FAM241B: variants seen among roughly 807,000 people sequenced by gnomAD.
FAM241B encodes protein FAM241B.
A neutral mutation model predicts 9.3 loss-of-function variants in FAM241B; 7 were observed. The ratio of observed to expected loss-of-function variants is 0.75; its 90% CI spans 0.43 to 1.41. FAM241B has a LOEUF of 1.41. FAM241B is among the 40% of genes most tolerant of loss of function. The pLI, the probability that FAM241B is intolerant of heterozygous loss-of-function variation, is 0.01. For missense variants in FAM241B, 136 were observed against 159.6 expected, an observed-to-expected ratio of 0.85 and a Z score of 0.80; for synonymous variants, 60 against 64.1, an observed-to-expected ratio of 0.94 and a Z score of 0.31.
chr10:69,630,481 C>A (rs1839798203), intron 1 of FAM241B, 168 bp downstream of exon 1: 2 of 314,456 alleles, frequency 6.4e-6, no homozygotes, highest in Non-Finnish European at 9.5e-6. Context: ...GGTGGCCCAC[C>A]GGGCGGGGGC....
intron 1 of FAM241B, chr10:69,630,585 G>A (rs1839800192): frequency 8.0e-7 from 1 of 1,242,538 alleles, no homozygotes; most frequent in Non-Finnish European, 1.0e-6. Flanking sequence ...CGCCTGTCCC[G>A]GGCTCCAGGC....
At position 69,632,783 on chromosome 10, in the gene FAM241B, A is replaced by C; in HGVS notation, c.97-7A>C. The C allele has an allele frequency of 6.2e-7, 1 of 1,611,382 alleles. No individual in the cohort carries two copies. The highest frequency in any genetic ancestry group is 1.3e-5 in the African/African-American group (1 of 74,976). On this transcript the variant is annotated splice_polypyrimidine_tract_variant and splice_region_variant and intron_variant, in intron 3 of 3. Coordinates refer to ENST00000373279, the MANE Select transcript of FAM241B (RefSeq NM_145306.3). ...TTCATTCATCTCTCTCTGTCTTCAC[A>C]TTCCAGAGCTTCTTCAACAGGGGCC...
At position 69,633,370 on chromosome 10, in the gene FAM241B, A is replaced by T. The variant is rs890669030; in HGVS notation, c.*311A>T. On this transcript the variant is annotated 3_prime_UTR_variant, in exon 4 of 4. Transcript: ENST00000373279. The stretch of plus-strand genomic sequence containing the variant: ...CTCTCAATCCTTTTATGCCGAGAAG[A>T]TCTCAGCTGGATGCCAACATGTTCC... 4.7e-5 allele frequency: 19 copies of T among 408,104 alleles called. No homozygotes were observed. The highest frequency in any genetic ancestry group is 8.0e-5 in the Non-Finnish European group (18 of 224,078). 25.3% of individuals were successfully genotyped at this position (408,104 alleles called of 1,614,324 possible). A position where few individuals can be genotyped will look rare whatever the true frequency, so the allele number is the denominator to read the frequency against.
rs544192606 is a variant in FAM241B, at chr10:69,633,264, T to C, written c.*205T>C. On this transcript the variant is annotated 3_prime_UTR_variant, in exon 4 of 4. Coordinates refer to ENST00000373279, the MANE Select transcript of FAM241B (RefSeq NM_145306.3). ...TCCAAAGTGTGGGTGGGTCCGTTGG[T>C]TCCCAAGATACTTTTAGGTGGTATG... is the stretch of plus-strand genomic sequence containing the variant. The C allele has an allele frequency of 2.5e-5, 18 of 733,676 alleles. No individual in the cohort carries two copies. In the South Asian group the frequency reaches 3.4e-4, roughly 14 times the overall value. 45.4% of individuals were successfully genotyped at this position (733,676 alleles called of 1,614,324 possible).
Position 69,632,711 on chromosome 10 carries a change from A to G in FAM241B, c.97-79A>G. 6.6e-6 allele frequency: 10 copies of G among 1,505,702 alleles called. No homozygotes were observed. In the South Asian group the frequency reaches 1.1e-4, roughly 17 times the overall value. The allele number at this position is 1,505,702 out of a possible 1,614,324, so 93.3% of individuals were successfully genotyped here. On this transcript the variant is annotated intron_variant, in intron 3 of 3. Coordinates refer to ENST00000373279, the MANE Select transcript of FAM241B (RefSeq NM_145306.3). ...CCTGGGTGGCTGTAGGAAGGGCAGG[A>G]TGCAGCCTAGAGAGGTTGATTCCTG... is the stretch of plus-strand genomic sequence containing the variant.
rs773930460 is a variant in FAM241B at position 69,632,838 on chromosome 10, C to G, written c.145C>G (p.Arg49Gly). 1 of 1,613,918 alleles carries G rather than the reference C, an allele frequency of 6.2e-7. No homozygotes were observed. The highest frequency in any genetic ancestry group is 1.3e-5 in the African/African-American group (1 of 74,938). ...TGCTCCCCCAGGGGGTCCTGGCCCC[C>G]GCCAGCAGCAGGCAGGTGCCAGGCT... is the stretch of plus-strand genomic sequence containing the variant. ...HGAPPGGPGP[R>G]QQQAGARLGA... Residue 49 changes from arginine to glycine, a missense_variant, in exon 4 of 4, where the codon CGC becomes GGC. Arg to Gly is a moderately radical substitution (Grantham distance 125). Transcript: ENST00000373279.
chr10:69,631,610 T>C (rs1839821751), intron 2 of FAM241B, 63 bp downstream of exon 2: 2 of 1,548,724 alleles, frequency 1.3e-6, no homozygotes, highest in African/African-American at 2.7e-5. Context: ...TCTTCACGAG[T>C]CTGGTCCCAG....
chr10:69,633,142 T>C lies in FAM241B; in HGVS notation c.*83T>C, dbSNP rs1839861509. On this transcript the variant is annotated 3_prime_UTR_variant, in exon 4 of 4. Transcript: ENST00000373279. ...AGAGCAGGCATATTTGGAGGGGATCTGGTGGTGCCTTGAAGGTATGATCAG... is the reference window on the plus strand; with the variant it reads ...AGAGCAGGCATATTTGGAGGGGATCCGGTGGTGCCTTGAAGGTATGATCAG... 3 of 1,549,258 alleles carry C rather than the reference T, an allele frequency of 1.9e-6. No homozygotes were observed. Among genetic ancestry groups the C allele is most frequent in the South Asian group, 2.4e-5 (2 of 83,586 alleles).
chr10:69,630,743 C>G, intron 1 of FAM241B: 1 of 1,149,392 alleles, frequency 8.7e-7, no homozygotes, highest in Non-Finnish European at 1.1e-6. Flanking sequence ...CCCCGCAGTC[C>G]AGGGGTCCGC....
At chr10:69,632,677 G>T in intron 3 of FAM241B, 113 bp from the exon 4 acceptor site, 1 of 1,212,212 alleles carries the variant, frequency 8.2e-7, no homozygotes, top group Non-Finnish European at 1.1e-6. Context: ...TGAGAAAGGA[G>T]GGTGTGACCC....
intron 1 of FAM241B, among the ~76,000 whole-genome samples, chr10:69,630,919 G>T (rs1839807792): frequency 2.0e-5 from 3 of 152,222 alleles, no homozygotes; most frequent in African/African-American, 7.2e-5. Flanking sequence ...GGCGCATGAT[G>T]GCTAGGATGG....
At chr10:69,630,890 C>T (rs1374216416) in intron 1 of FAM241B, among the ~76,000 whole-genome samples, 1 of 152,178 alleles carries the variant, frequency 6.6e-6, no homozygotes, top group Non-Finnish European at 1.5e-5. Context: ...CCCTCTGCAG[C>T]AAAGGTGTGC....
In FAM241B at chr10:69,633,228, A is replaced by G; in HGVS notation, c.*169A>G. The G allele has an allele frequency of 9.9e-7, 1 of 1,006,302 alleles. No individual in the cohort carries two copies. 62.3% of individuals were successfully genotyped at this position (1,006,302 alleles called of 1,614,324 possible). ...TAAGCGTGAGGCAGAGGGAGACGTTAGTCCAGCATTTCCAAAGTGTGGGTG... is the reference window on the plus strand; with the variant it reads ...TAAGCGTGAGGCAGAGGGAGACGTTGGTCCAGCATTTCCAAAGTGTGGGTG... On this transcript the variant is annotated 3_prime_UTR_variant, in exon 4 of 4. Transcript: ENST00000373279.
At chr10:69,631,916 T>G in intron 3 of FAM241B, 77 bp downstream of exon 3, 57 of 1,539,208 alleles carry the variant, frequency 3.7e-5, no homozygotes, top group Non-Finnish European at 4.5e-5. Flanking sequence ...GAAGTCTCTC[T>G]TGCTGGTCAC....
Position 69,632,836 on chromosome 10 carries a change from C to G in FAM241B, c.143C>G (p.Pro48Arg). ...GGTGCTCCCCCAGGGGGTCCTGGCC[C>G]CCGCCAGCAGCAGGCAGGTGCCAGG... The part of the protein sequence containing the change: ...GHGAPPGGPG[P>R]RQQQAGARLG... Residue 48 changes from proline (P) to arginine (R), a missense_variant, in exon 4 of 4, where the codon CCC becomes CGC. By Grantham distance (103) the Pro-to-Arg change is moderately radical. Transcript: ENST00000373279. The G allele has an allele frequency of 6.2e-7, 1 of 1,614,024 alleles. No individual in the cohort carries two copies. Among genetic ancestry groups the G allele is most frequent in the Non-Finnish European group, 8.5e-7 (1 of 1,179,930 alleles).
At position 69,631,747 on chromosome 10, in the gene FAM241B, G is replaced by T. The variant is rs1839824516; in HGVS notation, c.4G>T (p.Val2Leu). 4 of 1,612,808 alleles carry T rather than the reference G, an allele frequency of 2.5e-6. No homozygotes were observed. Among genetic ancestry groups the T allele is most frequent in the Non-Finnish European group, 3.4e-6 (4 of 1,179,742 alleles). Residue 2 changes from valine (V) to leucine (L), a missense_variant, in exon 3 of 4, where the codon GTG becomes TTG. Coordinates refer to ENST00000373279, the MANE Select transcript of FAM241B (RefSeq NM_145306.3). MVRILANGEIVQ... is the reference protein window; with the variant it reads MLRILANGEIVQ... ...GGGACCCACAGCGCCTGGGAGGATG[G>T]TGCGGATCTTGGCCAATGGGGAAAT...
rs1839864056 is a variant in FAM241B at position 69,633,293 on chromosome 10, C to T, written c.*234C>T. On this transcript the variant is annotated 3_prime_UTR_variant, in exon 4 of 4. Coordinates refer to ENST00000373279, the MANE Select transcript of FAM241B (RefSeq NM_145306.3). ...CAAGATACTTTTAGGTGGTATGGGGCCTGCATTAAGTGGCACAAAATCAGA... is the reference window on the plus strand; with the variant it reads ...CAAGATACTTTTAGGTGGTATGGGGTCTGCATTAAGTGGCACAAAATCAGA... 1.7e-6 allele frequency: 1 copy of T among 599,142 alleles called. No homozygotes were observed. The highest frequency in any genetic ancestry group is 1.9e-5 in the African/African-American group (1 of 53,938). 37.1% of individuals were successfully genotyped at this position (599,142 alleles called of 1,614,324 possible).
Position 69,633,126 on chromosome 10 carries a change from A to G in FAM241B, c.*67A>G, listed in dbSNP as rs1839861186. The G allele has an allele frequency of 1.3e-6, 2 of 1,582,134 alleles. No homozygotes were observed. The highest frequency in any genetic ancestry group is 3.4e-5 in the Admixed American group (2 of 59,252). On this transcript the variant is annotated 3_prime_UTR_variant, in exon 4 of 4. Transcript: ENST00000373279. ...GCTGGGCCTTGGTGTGAGAGCAGGC[A>G]TATTTGGAGGGGATCTGGTGGTGCC...
At chr10:69,632,581 T>C (rs1246014951) in intron 3 of FAM241B, among the ~76,000 whole-genome samples, 1 of 151,826 alleles carries the variant, frequency 6.6e-6, no homozygotes, top group Non-Finnish European at 1.5e-5. Context: ...CTGGGCCTGA[T>C]GTGAGGAATA....
Sources: gnomAD v4.1 joint callset for allele counts (sites outside exome capture counted in the v4.1 genomes callset) on GRCh38, gnomAD v4.1.1 for gene constraint, MANE v1.5 for transcripts, NCBI Gene and HGNC (gene_info 2026-07-23, HGNC 2026-07-21) for gene names.